Variants in LUZP2 observed in about 807,000 individuals in gnomAD.
The protein encoded by LUZP2 is leucine zipper protein 2.
Under a neutral mutation model 51.6 loss-of-function variants are expected in LUZP2, and 52 were observed. That is an observed-to-expected ratio of 1.01 (90% CI 0.81 to 1.27). The LOEUF (loss-of-function observed/expected upper bound fraction) is 1.27. Among genes scored for constraint, LUZP2 ranks in the 50% most tolerant of loss-of-function variants. The pLI is 0.00. For missense variants in LUZP2, 436 were observed against 395.4 expected (o/e 1.10, Z -0.87); for synonymous variants, 154 against 137.3 (o/e 1.12, Z -0.85).
intron 1 of LUZP2, among the ~76,000 whole-genome samples, chr11:24,584,462 A>G (rs1852988668): frequency 6.6e-6 from 1 of 152,186 alleles, no homozygotes; most frequent in Non-Finnish European, 1.5e-5. Context: ...GATACTTTCC[A>G]TTCTGTAATT....
At chr11:24,629,970 C>T (rs1216156568) in intron 1 of LUZP2, among the ~76,000 whole-genome samples, 6 of 151,626 alleles carry the variant, frequency 4.0e-5, no homozygotes, top group Non-Finnish European at 7.4e-5. Flanking sequence ...TTTTCATATA[C>T]GTGTTGGCCA....
chr11:24,892,116 C>T, intron 5 of LUZP2: 2 of 985,610 alleles, frequency 2.0e-6, no homozygotes, highest in Non-Finnish European at 1.2e-6. Context: ...TTGATAGGCT[C>T]TCACTGTGGA....
intron 5 of LUZP2, among the ~76,000 whole-genome samples, chr11:24,858,001 T>C (rs1169167222): frequency 6.6e-6 from 1 of 152,130 alleles, no homozygotes. Context: ...GCAGTTTCTT[T>C]CTTTTTTTTA....
chr11:25,068,932 G>T (rs933569896), intron 10 of LUZP2, among the ~76,000 whole-genome samples: 10 of 151,844 alleles, frequency 6.6e-5, no homozygotes, highest in Admixed American at 3.9e-4. Flanking sequence ...TTTATTCATC[G>T]CTCAAGCCTC....
chr11:25,027,794 C>T (rs765656628), intron 9 of LUZP2, among the ~76,000 whole-genome samples: 5 of 150,702 alleles, frequency 3.3e-5, no homozygotes, highest in Non-Finnish European at 7.4e-5. Context: ...TGCTTGAACC[C>T]GGGAGGCAGA....
At chr11:25,034,690 T>C (rs945867367) in intron 9 of LUZP2, among the ~76,000 whole-genome samples, 7 of 152,150 alleles carry the variant, frequency 4.6e-5, no homozygotes, top group Non-Finnish European at 1.0e-4. Flanking sequence ...CCTTCCCCCA[T>C]TGAAAGTTTG....
At chr11:24,629,808 A>C (rs2133923676) in intron 1 of LUZP2, among the ~76,000 whole-genome samples, 1 of 151,920 alleles carries the variant, frequency 6.6e-6, no homozygotes, top group South Asian at 2.1e-4. Flanking sequence ...TTATTTTCCC[A>C]AAATAGTGTA....
At chr11:24,896,116 G>A (rs1282348616) in intron 5 of LUZP2, among the ~76,000 whole-genome samples, 6 of 152,198 alleles carry the variant, frequency 3.9e-5, no homozygotes, top group Non-Finnish European at 8.8e-5. Context: ...TCTCCATATT[G>A]AGAGATGACA....
At chr11:24,527,607 G>C (rs1291444257) in intron 1 of LUZP2, among the ~76,000 whole-genome samples, 1 of 136,580 alleles carries the variant, frequency 7.3e-6, no homozygotes, top group Non-Finnish European at 1.6e-5. Context: ...ACATTTATTT[G>C]TTGGCATCTT....
chr11:24,940,572 G>A (rs1854717799), intron 7 of LUZP2, among the ~76,000 whole-genome samples: 1 of 152,030 alleles, frequency 6.6e-6, no homozygotes, highest in Non-Finnish European at 1.5e-5. Flanking sequence ...ATTAATGATA[G>A]CTTCTATGTT....
intron 1 of LUZP2, among the ~76,000 whole-genome samples, chr11:24,600,708 C>T (rs1022375330): frequency 6.6e-6 from 1 of 151,986 alleles, no homozygotes; most frequent in Admixed American, 6.6e-5. Flanking sequence ...GTCTTAAAGG[C>T]CTAGTGCTTT....
intron 1 of LUZP2, among the ~76,000 whole-genome samples, chr11:24,711,386 C>A (rs542356228): frequency 6.6e-6 from 1 of 151,938 alleles, no homozygotes; most frequent in African/African-American, 2.4e-5. Flanking sequence ...GGAGGCGGAG[C>A]TTGCAGTGAG....
chr11:24,861,521 C>A (rs1042060162), intron 5 of LUZP2, among the ~76,000 whole-genome samples: 16 of 152,132 alleles, frequency 1.1e-4, no homozygotes, highest in African/African-American at 3.4e-4. Flanking sequence ...TTAAGATACT[C>A]CACAAAATGC....
At chr11:24,707,983 AAACTAATTCTGACTGGCTAATT>A (rs1054655830) in intron 1 of LUZP2, among the ~76,000 whole-genome samples, 1 of 152,054 alleles carries the variant, frequency 6.6e-6, no homozygotes, top group Admixed American at 6.5e-5. Flanking sequence ...CACACAGGCT[AAACTAATTCTGACTGGCTAATT>A]TAAAGAGAAT....
intron 4 of LUZP2, among the ~76,000 whole-genome samples, chr11:24,738,828 C>A (rs1350783689): frequency 6.6e-6 from 1 of 151,974 alleles, no homozygotes; most frequent in Non-Finnish European, 1.5e-5. Flanking sequence ...AAATGATGTT[C>A]CCTTGACCCC....
intron 10 of LUZP2, among the ~76,000 whole-genome samples, chr11:25,066,077 T>C (rs1590892173): frequency 2.0e-5 from 3 of 151,946 alleles, no homozygotes; most frequent in Non-Finnish European, 2.9e-5. Flanking sequence ...GATTTCCAAA[T>C]GAGCATTTGT....
At chr11:24,554,220 C>G (rs999453371) in intron 1 of LUZP2, among the ~76,000 whole-genome samples, 1 of 152,132 alleles carries the variant, frequency 6.6e-6, no homozygotes, top group Non-Finnish European at 1.5e-5. Flanking sequence ...TTCTAAGGAG[C>G]TGCTTTCTTC....
At chr11:24,789,410 A>G (rs995786594) in intron 5 of LUZP2, among the ~76,000 whole-genome samples, 2 of 152,048 alleles carry the variant, frequency 1.3e-5, no homozygotes, top group Non-Finnish European at 2.9e-5. Context: ...ATACTGGATT[A>G]CCTCTTATAG....
chr11:24,915,432 A>T, intron 7 of LUZP2, among the ~76,000 whole-genome samples: 1 of 152,110 alleles, frequency 6.6e-6, no homozygotes, highest in Non-Finnish European at 1.5e-5. Flanking sequence ...TCAAAGCAGA[A>T]AAAGGAGGCA....
Sources: gnomAD v4.1 joint callset for allele counts (sites outside exome capture counted in the v4.1 genomes callset) on GRCh38, gnomAD v4.1.1 for gene constraint, MANE v1.5 for transcripts, NCBI Gene and HGNC (gene_info 2026-07-23, HGNC 2026-07-21) for gene names.